The following APMAP variants were observed in gnomAD, a reference collection of about 807,000 sequenced individuals.
APMAP encodes the protein adipocyte plasma membrane-associated protein.
APMAP carries 33 observed loss-of-function variants against 43.6 expected under a neutral mutation model. The observed-to-expected ratio is 0.76, with a 90% CI of 0.57 to 1.01. The LOEUF is 1.01. APMAP is among the 50% of genes least tolerant of loss of function. APMAP has a pLI of 0.00. For synonymous variants in APMAP, 224 were observed against 216.7 expected, an observed-to-expected ratio of 1.03 and a Z score of -0.30; for missense variants, 498 against 540.7, an observed-to-expected ratio of 0.92 and a Z score of 0.78.
intron 1 of APMAP, among the ~76,000 whole-genome samples, chr20:24,987,904 C>T (rs546913679): frequency 6.6e-6 from 1 of 152,288 alleles, no homozygotes; most frequent in East Asian, 1.9e-4. Flanking sequence ...TCTTCCAACA[C>T]AATAGAAATG....
chr20:24,973,172 C>T (rs1444867139), intron 4 of APMAP, among the ~76,000 whole-genome samples: 1 of 152,138 alleles, frequency 6.6e-6, no homozygotes, highest in Non-Finnish European at 1.5e-5. Flanking sequence ...CAGTTTTAAA[C>T]AGTGAGTCTT....
At position 24,974,786 on chromosome 20, in the gene APMAP, C is replaced by CA. The variant is rs200286085; in HGVS notation, c.329-1050dup. On this transcript the variant is annotated intron_variant, in intron 3 of 8. Transcript: ENST00000217456. ...CACAATGACAAAGGGGTCAATGCCT[C>CA]AAAAAAACATAAGAACCTTTAATGT... Among the ~76,000 whole-genome samples the CA allele has an allele frequency of 6.6e-3, 1,010 of 152,018 alleles. 14 individuals carry two copies. Among genetic ancestry groups the CA allele is most frequent in the African/African-American group, 0.023 (957 of 41,474 alleles).
In APMAP at chr20:24,992,693, C is replaced by A. The variant is rs1315413267; in HGVS notation, c.-5G>T. 1.3e-6 allele frequency: 2 copies of A among 1,514,648 alleles called. No individual in the cohort carries two copies. Among genetic ancestry groups the A allele is most frequent in the Non-Finnish European group, 1.8e-6 (2 of 1,130,828 alleles). 93.8% of individuals were successfully genotyped at this position (1,514,648 alleles called of 1,614,324 possible). On this transcript the variant is annotated 5_prime_UTR_variant, in exon 1 of 9. Coordinates refer to ENST00000217456, the MANE Select transcript of APMAP (RefSeq NM_020531.3). ...CAGCCCGTCCGCCTCGCTCATGGTACGGGCGCCAGCCTCACCCGCAGAAAC... is the reference window on the plus strand; with the variant it reads ...CAGCCCGTCCGCCTCGCTCATGGTAAGGGCGCCAGCCTCACCCGCAGAAAC...
At chr20:24,986,540 C>T (rs2122528689) in intron 1 of APMAP, among the ~76,000 whole-genome samples, 1 of 152,302 alleles carries the variant, frequency 6.6e-6, no homozygotes, top group East Asian at 1.9e-4. Flanking sequence ...GCACCACAGG[C>T]ATAAAAATGT....
At position 24,973,729 on chromosome 20, in the gene APMAP, A is replaced by C. The variant is rs752811249; in HGVS notation, c.337T>G (p.Phe113Val). 1 of 1,614,050 alleles carries C rather than the reference A, an allele frequency of 6.2e-7. No individual in the cohort carries two copies. The highest frequency in any genetic ancestry group is 1.7e-5 in the Admixed American group (1 of 60,020). Reference protein sequence around the residue: ...ESIAHIGDVMFTGTADGRVVK... With the variant: ...ESIAHIGDVMVTGTADGRVVK... ...ACCCGGCCATCTGCTGTCCCAGTAA[A>C]CATCACATCTGTTTAAAAACACAAA... Residue 113 changes from phenylalanine to valine, a missense_variant, in exon 4 of 9, where the codon TTT (phenylalanine) becomes GTT (valine). Transcript: ENST00000217456.
At chr20:24,971,157 A>T (rs112688939) in intron 5 of APMAP, among the ~76,000 whole-genome samples, 58 of 152,342 alleles carry the variant, frequency 3.8e-4, no homozygotes, top group Non-Finnish European at 5.7e-4. Context: ...AGAGACACAC[A>T]GAAAAATCAA....
intron 1 of APMAP, among the ~76,000 whole-genome samples, chr20:24,988,835 A>G (rs1443827567): frequency 6.6e-6 from 1 of 152,234 alleles, no homozygotes; most frequent in Admixed American, 6.5e-5. Flanking sequence ...AAATTTAAAC[A>G]AAACTCCTTG....
chr20:24,978,708 CG>C, intron 3 of APMAP, 58 bp downstream of exon 3: 2 of 1,204,818 alleles, frequency 1.7e-6, no homozygotes, highest in Admixed American at 1.8e-5. Context: ...CCACAGAACC[CG>C]CCCCCTCAGA....
At chr20:24,973,067 T>C in intron 4 of APMAP, among the ~76,000 whole-genome samples, 1 of 152,224 alleles carries the variant, frequency 6.6e-6, no homozygotes, top group East Asian at 1.9e-4. Flanking sequence ...TTTTCTCCTT[T>C]GTACCTTTGT....
chr20:24,985,682 T>C (rs1033634776), intron 1 of APMAP, among the ~76,000 whole-genome samples: 1 of 152,142 alleles, frequency 6.6e-6, no homozygotes, highest in African/African-American at 2.4e-5. Flanking sequence ...AATGTGGAAG[T>C]AGCTTTGGAA....
At chr20:24,976,105 T>C (rs934536756) in intron 3 of APMAP, among the ~76,000 whole-genome samples, 7 of 152,170 alleles carry the variant, frequency 4.6e-5, no homozygotes, top group Admixed American at 1.3e-4. Context: ...AATCTAGGTA[T>C]GATGATGAAT....
At chr20:24,965,021 A>G (rs1200805530) in intron 8 of APMAP, among the ~76,000 whole-genome samples, 1 of 152,092 alleles carries the variant, frequency 6.6e-6, no homozygotes, top group East Asian at 1.9e-4. Flanking sequence ...AAGAGATCTC[A>G]TCCTCTCTCA....
Position 24,963,856 on chromosome 20 carries a change from A to G in APMAP, c.1208T>C (p.Phe403Ser), listed in dbSNP as rs2087919231. 6.2e-7 allele frequency: 1 copy of G among 1,614,116 alleles called. No individual in the cohort carries two copies. The highest frequency in any genetic ancestry group is 1.3e-5 in the African/African-American group (1 of 74,932). The change falls in exon 9 of 9, where the codon TTC (phenylalanine) becomes TCC (serine). Residue 403 changes from phenylalanine to serine, a missense_variant. Physicochemically the swap from Phe to Ser is radical, Grantham distance 155. Transcript: ENST00000217456. ...EHDGHLYLGSFRSPFLCRLSL... is the reference protein window; with the variant it reads ...EHDGHLYLGSSRSPFLCRLSL... ...GAGTCTGCAGAGGAAGGGGGACCTG[A>G]AAGAGCCCAGGTACAGGTGCCCATC... is the stretch of plus-strand genomic sequence containing the variant.
chr20:24,965,663 C>G (rs947951036), intron 8 of APMAP, among the ~76,000 whole-genome samples: 1 of 152,224 alleles, frequency 6.6e-6, no homozygotes, highest in Admixed American at 6.5e-5. Context: ...GCAGGGATCA[C>G]AGCCCTTGAG....
intron 1 of APMAP, 94 bp from the exon 2 acceptor site, chr20:24,984,113 G>T: frequency 1.1e-6 from 1 of 944,026 alleles, no homozygotes; most frequent in Non-Finnish European, 1.6e-6. Context: ...GAGCAGGGAC[G>T]CTCATCCAGT....
At chr20:24,990,615 T>C (rs1297064588) in intron 1 of APMAP, among the ~76,000 whole-genome samples, 1 of 152,232 alleles carries the variant, frequency 6.6e-6, no homozygotes, top group Non-Finnish European at 1.5e-5. Context: ...AGTTTCGTGT[T>C]TTTACTTCTG....
chr20:24,969,014 T>G lies in APMAP; in HGVS notation c.919A>C (p.Asn307His). ...FVENMPGFPD[N>H]IRPSSSGGYW... is the part of the protein sequence containing the mutation. Reference sequence around the variant, plus strand: ...CCCCCAGAGCTGCTGGGCCGGATGTTGTCTGGAAATCCAGGCATGTTCTCC... The same window carrying G: ...CCCCCAGAGCTGCTGGGCCGGATGTGGTCTGGAAATCCAGGCATGTTCTCC... The change falls in exon 8 of 9, where the codon AAC (asparagine) becomes CAC (histidine). Residue 307 changes from asparagine (N) to histidine (H), a missense_variant. Coordinates refer to ENST00000217456, the MANE Select transcript of APMAP (RefSeq NM_020531.3). The G allele has an allele frequency of 6.2e-7, 1 of 1,613,958 alleles. No individual in the cohort carries two copies. Among genetic ancestry groups the G allele is most frequent in the South Asian group, 1.1e-5 (1 of 91,062 alleles).
intron 3 of APMAP, 99 bp downstream of exon 3, chr20:24,978,668 T>A: frequency 1.0e-6 from 1 of 957,190 alleles, no homozygotes; most frequent in South Asian, 1.4e-5. Context: ...AGGGCCCCAG[T>A]CCAGGGGCAG....
chr20:24,986,853 T>C (rs1003269255), intron 1 of APMAP, among the ~76,000 whole-genome samples: 7 of 152,200 alleles, frequency 4.6e-5, no homozygotes, highest in African/African-American at 1.4e-4. Context: ...AAGCGCTGCC[T>C]GCCAAGAGCA....
Sources: allele counts gnomAD v4.1 joint callset (sites outside exome capture counted in the v4.1 genomes callset), GRCh38; gene constraint gnomAD v4.1.1; transcripts MANE v1.5; gene names NCBI Gene and HGNC (gene_info 2026-07-23, HGNC 2026-07-21).